Variants in SPATA6 observed in about 807,000 individuals in gnomAD.
SPATA6 encodes spermatogenesis-associated protein 6.
SPATA6 carries 56 observed loss-of-function variants against 65.3 expected under a neutral mutation model. The ratio of observed to expected loss-of-function variants is 0.86; its 90% CI spans 0.69 to 1.07. The LOEUF (loss-of-function observed/expected upper bound fraction) is 1.07, where lower values mean the gene tolerates loss of function less well. SPATA6 is among the 50% of genes least tolerant of loss of function. SPATA6 has a pLI of 0.00. For missense variants in SPATA6, 590 were observed against 594.8 expected (o/e 0.99, Z 0.08); for synonymous variants, 199 against 213.2 (o/e 0.93, Z 0.58).
intron 11 of SPATA6, among the ~76,000 whole-genome samples, chr1:48,306,575 A>G (rs915424840): frequency 1.1e-4 from 16 of 151,994 alleles, no homozygotes; most frequent in African/African-American, 3.4e-4. Context: ...ATCTTTTTCA[A>G]CTACTAGCCA....
intron 11 of SPATA6, chr1:48,325,809 G>A (rs1233197720): frequency 9.1e-6 from 4 of 438,316 alleles, no homozygotes; most frequent in Non-Finnish European, 1.8e-5. Context: ...ATTTGCTGAG[G>A]CTTGTGAGGC....
intron 9 of SPATA6, among the ~76,000 whole-genome samples, chr1:48,361,063 C>T (rs745682744): frequency 6.6e-6 from 1 of 152,068 alleles, no homozygotes; most frequent in Non-Finnish European, 1.5e-5. Flanking sequence ...TATATTACAG[C>T]AGAGTTTGGG....
chr1:48,315,385 C>T (rs1433771099), intron 11 of SPATA6, among the ~76,000 whole-genome samples: 9 of 151,342 alleles, frequency 5.9e-5, no homozygotes, highest in African/African-American at 1.5e-4. Flanking sequence ...CCTGGTTCAA[C>T]ATACACAAAT....
the SPATA6 span, among the ~76,000 whole-genome samples, chr1:48,261,798 T>C: frequency 6.6e-6 from 1 of 152,094 alleles, no homozygotes; most frequent in East Asian, 1.9e-4. Context: ...ATAATATCCA[T>C]AGCACCTTAA....
chr1:48,369,232 G>A (rs1031245707), intron 9 of SPATA6, among the ~76,000 whole-genome samples: 8 of 152,162 alleles, frequency 5.3e-5, no homozygotes, highest in African/African-American at 1.7e-4. Flanking sequence ...TAGGCTGCTC[G>A]GGTGTCAGGG....
At chr1:48,264,324 T>C in the SPATA6 span, among the ~76,000 whole-genome samples, 1 of 152,204 alleles carries the variant, frequency 6.6e-6, no homozygotes, top group Non-Finnish European at 1.5e-5. Flanking sequence ...CACCTTATCT[T>C]GATCCCAATT....
At position 48,337,105 on chromosome 1, in the gene SPATA6, G is replaced by A. The variant is rs115323930; in HGVS notation, c.1194+18565C>T. On this transcript the variant is annotated intron_variant, in intron 11 of 12. Transcript: ENST00000371847. ...GAGAATATTACAAGAAAGGAAACTT[G>A]CAGACCAATCACTGTCATTAATTTA... 9.0e-3 allele frequency among the ~76,000 whole-genome samples: 1,365 copies of A among 151,958 alleles called. 19 individuals carry two copies. Among genetic ancestry groups the A allele is most frequent in the African/African-American group, 0.031 (1,287 of 41,506 alleles).
intron 11 of SPATA6, among the ~76,000 whole-genome samples, chr1:48,307,897 T>C (rs1379379718): frequency 1.3e-5 from 2 of 151,974 alleles, no homozygotes; most frequent in Non-Finnish European, 2.9e-5. Context: ...ATTTGTCCAA[T>C]ATTTGTGTAG....
intron 9 of SPATA6, 67 bp downstream of exon 9, chr1:48,385,242 A>G: frequency 7.3e-7 from 1 of 1,365,524 alleles, no homozygotes; most frequent in Non-Finnish European, 1.0e-6. Context: ...ATACATATAT[A>G]TGAAATAGAC....
At chr1:48,365,958 G>A (rs1038048666) in intron 9 of SPATA6, among the ~76,000 whole-genome samples, 4 of 152,156 alleles carry the variant, frequency 2.6e-5, no homozygotes, top group African/African-American at 9.7e-5. Flanking sequence ...ATTATTTTAA[G>A]ATACGTCCCA....
At chr1:48,456,698 C>G (rs1356296791) in intron 1 of SPATA6, among the ~76,000 whole-genome samples, 2 of 151,718 alleles carry the variant, frequency 1.3e-5, no homozygotes, top group Non-Finnish European at 2.9e-5. Flanking sequence ...TTAACAGAAC[C>G]AAATAAAAAT....
At chr1:48,416,262 C>G (rs1652774209) in intron 3 of SPATA6, among the ~76,000 whole-genome samples, 1 of 151,916 alleles carries the variant, frequency 6.6e-6, no homozygotes, top group African/African-American at 2.4e-5. Flanking sequence ...AATACTGAAC[C>G]TATAGAAAAG....
chr1:48,317,420 T>C (rs924145045), intron 11 of SPATA6, among the ~76,000 whole-genome samples: 2 of 151,518 alleles, frequency 1.3e-5, no homozygotes, highest in African/African-American at 2.4e-5. Flanking sequence ...AGCAAACTAT[T>C]GCAAGGACAA....
chr1:48,364,507 G>C (rs1000313943), intron 9 of SPATA6, among the ~76,000 whole-genome samples: 2 of 152,220 alleles, frequency 1.3e-5, no homozygotes, highest in African/African-American at 4.8e-5. Flanking sequence ...ACTGGTGTGA[G>C]ATGGTATCTC....
chr1:48,456,901 G>A (rs1657047709), intron 1 of SPATA6, among the ~76,000 whole-genome samples: 2 of 151,792 alleles, frequency 1.3e-5, no homozygotes. Flanking sequence ...AAAATAAATA[G>A]AATGAGAGCC....
chr1:48,361,944 C>G (rs1646825907), intron 9 of SPATA6, among the ~76,000 whole-genome samples: 1 of 152,122 alleles, frequency 6.6e-6, no homozygotes, highest in African/African-American at 2.4e-5. Flanking sequence ...GACACAGTTA[C>G]AGTCCCCAAT....
chr1:48,409,170 T>C (rs978437787), intron 5 of SPATA6, among the ~76,000 whole-genome samples: 3 of 152,226 alleles, frequency 2.0e-5, no homozygotes, highest in Non-Finnish European at 2.9e-5. Flanking sequence ...GGTATAGGCA[T>C]TGAGTAAATA....
chr1:48,394,080 C>T (rs1420741426), intron 8 of SPATA6, among the ~76,000 whole-genome samples: 1 of 152,032 alleles, frequency 6.6e-6, no homozygotes, highest in Non-Finnish European at 1.5e-5. Context: ...AAAGAAAAAG[C>T]AAATATTATT....
At chr1:48,334,703 A>G (rs548550648) in intron 11 of SPATA6, among the ~76,000 whole-genome samples, 1 of 152,332 alleles carries the variant, frequency 6.6e-6, no homozygotes, top group South Asian at 2.1e-4. Flanking sequence ...AGCTGCAAGC[A>G]TTCCACTTGA....
Sources: allele counts gnomAD v4.1 joint callset (sites outside exome capture counted in the v4.1 genomes callset), GRCh38; gene constraint gnomAD v4.1.1; transcripts MANE v1.5; gene names NCBI Gene and HGNC (gene_info 2026-07-23, HGNC 2026-07-21).